SDK1: variants seen among roughly 807,000 people sequenced by gnomAD.
The protein encoded by SDK1 is sidekick cell adhesion molecule 1, also known as protein sidekick-1.
Under a neutral mutation model 245.5 loss-of-function variants are expected in SDK1, and 157 were observed. The ratio of observed to expected loss-of-function variants is 0.64; its 90% confidence interval spans 0.56 to 0.73. The LOEUF is 0.73. Among genes scored for constraint, SDK1 ranks in the 30% least tolerant of loss-of-function variants. The pLI is 0.00. For synonymous variants in SDK1, 1,647 were observed against 1,278.5 expected, an observed-to-expected ratio of 1.29 and a Z score of -6.15; for missense variants, 3,583 against 3,002.3, an observed-to-expected ratio of 1.19 and a Z score of -4.52.
At chr7:3,334,368 T>G (rs967912352) in intron 1 of SDK1, among the ~76,000 whole-genome samples, 1 of 152,220 alleles carries the variant, frequency 6.6e-6, no homozygotes, top group Non-Finnish European at 1.5e-5. Context: ...AGCCTACGCT[T>G]GAGAGAAGAA....
intron 5 of SDK1, among the ~76,000 whole-genome samples, chr7:3,944,901 G>A (rs955368882): frequency 2.6e-5 from 4 of 152,224 alleles, no homozygotes; most frequent in Non-Finnish European, 5.9e-5. Flanking sequence ...GGCAGACTTG[G>A]TCATGGAGGG....
chr7:3,546,123 G>T (rs1003685753), intron 1 of SDK1, among the ~76,000 whole-genome samples: 15 of 152,208 alleles, frequency 9.9e-5, no homozygotes, highest in African/African-American at 4.8e-5. Context: ...TGGAGGGCTT[G>T]CTGGGGCCCC....
intron 4 of SDK1, among the ~76,000 whole-genome samples, chr7:3,675,046 C>T (rs1157096824): frequency 2.0e-5 from 3 of 152,168 alleles, no homozygotes; most frequent in East Asian, 3.9e-4. Context: ...TTAGAGTTTG[C>T]TAGCCACGGC....
At chr7:3,482,845 T>C (rs569973850) in intron 1 of SDK1, among the ~76,000 whole-genome samples, 2 of 152,348 alleles carry the variant, frequency 1.3e-5, no homozygotes, top group South Asian at 4.1e-4. Context: ...AAAATGTACA[T>C]CTTGATTACG....
chr7:3,333,739 C>T (rs749189473), intron 1 of SDK1, among the ~76,000 whole-genome samples: 2 of 152,162 alleles, frequency 1.3e-5, no homozygotes, highest in African/African-American at 4.8e-5. Flanking sequence ...GTTCGATTAT[C>T]GAGGACAGAC....
intron 1 of SDK1, among the ~76,000 whole-genome samples, chr7:3,513,008 G>A (rs767066821): frequency 2.0e-5 from 3 of 152,150 alleles, no homozygotes; most frequent in Non-Finnish European, 4.4e-5. Context: ...TGTGTTTTGT[G>A]TTGTTTTCTT....
intron 1 of SDK1, among the ~76,000 whole-genome samples, chr7:3,585,180 T>C (rs367616203): frequency 6.6e-6 from 1 of 152,230 alleles, no homozygotes; most frequent in African/African-American, 2.4e-5. Flanking sequence ...TGAGCAAAGA[T>C]AGACTCTGAC....
chr7:3,669,572 C>G (rs1191417023), intron 4 of SDK1, among the ~76,000 whole-genome samples: 1 of 152,288 alleles, frequency 6.6e-6, no homozygotes, highest in East Asian at 1.9e-4. Context: ...TCTTCTTAGA[C>G]CTCTTTGCCA....
intron 1 of SDK1, among the ~76,000 whole-genome samples, chr7:3,326,091 T>G (rs974229833): frequency 5.4e-4 from 82 of 152,242 alleles, no homozygotes; most frequent in African/African-American, 1.9e-3. Context: ...AATAAGGTAG[T>G]TAGTTTTTTA....
At chr7:3,335,014 A>C (rs1000986092) in intron 1 of SDK1, among the ~76,000 whole-genome samples, 5 of 152,078 alleles carry the variant, frequency 3.3e-5, no homozygotes, top group Non-Finnish European at 7.4e-5. Flanking sequence ...CCTGAATCCC[A>C]TTAGTAAATT....
At chr7:4,057,866 C>T (rs185142772) in intron 19 of SDK1, among the ~76,000 whole-genome samples, 2 of 152,226 alleles carry the variant, frequency 1.3e-5, no homozygotes, top group African/African-American at 2.4e-5. Flanking sequence ...GCCAAAGTAC[C>T]CTATCCAATC....
chr7:3,525,956 A>G lies in SDK1; in HGVS notation c.299-93124A>G, dbSNP rs191149940. On this transcript the variant is annotated intron_variant, in intron 1 of 44. Transcript: ENST00000404826. ...TCTCAGGTAATTCACATTGTGGGCC[A>G]GGCGCCGTGGCTCACACCTGTAATC... Among the ~76,000 whole-genome samples, 770 of 152,288 alleles carry G rather than the reference A, an allele frequency of 5.1e-3. 6 individuals carry two copies. The highest frequency in any genetic ancestry group is 0.018 in the South Asian group (87 of 4,824).
chr7:3,519,390 A>G (rs1455979664), intron 1 of SDK1, among the ~76,000 whole-genome samples: 6 of 152,176 alleles, frequency 3.9e-5, no homozygotes, highest in Admixed American at 3.3e-4. Context: ...TACCCCATAC[A>G]TATATATGAT....
chr7:3,773,288 C>G (rs1293661969), intron 4 of SDK1, among the ~76,000 whole-genome samples: 2 of 152,148 alleles, frequency 1.3e-5, no homozygotes, highest in Non-Finnish European at 2.9e-5. Context: ...TCTTCACATT[C>G]ACTGATTCTT....
intron 1 of SDK1, among the ~76,000 whole-genome samples, chr7:3,597,466 A>G (rs1781103632): frequency 1.3e-5 from 2 of 152,108 alleles, no homozygotes; most frequent in Non-Finnish European, 2.9e-5. Context: ...TAAGATAGAA[A>G]CAGGACACAG....
At chr7:4,179,546 A>G (rs1289092985) in intron 35 of SDK1, among the ~76,000 whole-genome samples, 1 of 152,094 alleles carries the variant, frequency 6.6e-6, no homozygotes, top group African/African-American at 2.4e-5. Flanking sequence ...GTCAAGCGGT[A>G]TTTGCATACA....
At chr7:4,141,878 T>G (rs1779603908) in intron 28 of SDK1, among the ~76,000 whole-genome samples, 1 of 152,170 alleles carries the variant, frequency 6.6e-6, no homozygotes, top group Non-Finnish European at 1.5e-5. Context: ...TGCCTCAGCC[T>G]CCCGAGCAGT....
chr7:3,457,026 T>C (rs368069128), intron 1 of SDK1, among the ~76,000 whole-genome samples: 23 of 152,174 alleles, frequency 1.5e-4, no homozygotes, highest in Admixed American at 3.9e-4. Context: ...GCTTCCGCAG[T>C]CCTGGCTGCC....
chr7:3,916,993 C>A (rs759179067), intron 5 of SDK1, among the ~76,000 whole-genome samples: 3 of 152,192 alleles, frequency 2.0e-5, no homozygotes, highest in Admixed American at 6.5e-5. Context: ...GATGACTATT[C>A]TAGGCCCAAA....
Sources: allele counts gnomAD v4.1 joint callset (sites outside exome capture counted in the v4.1 genomes callset), GRCh38; gene constraint gnomAD v4.1.1; transcripts MANE v1.5; gene names NCBI Gene and HGNC (gene_info 2026-07-23, HGNC 2026-07-21).